HPS5: variants seen among roughly 807,000 people sequenced by gnomAD.
The protein encoded by HPS5 is HPS5 biogenesis of lysosomal organelles complex 2 subunit 2.
In HPS5, 83 loss-of-function variants were observed where a neutral mutation model predicts 128.0. That is an observed-to-expected ratio of 0.65 (90% CI 0.54 to 0.78). The LOEUF is 0.78. Ranked by LOEUF, HPS5 falls within the 30% of genes least tolerant of loss-of-function variation. HPS5 has a pLI of 0.00. For missense variants in HPS5, 1,281 were observed against 1,326.2 expected (o/e 0.97, Z 0.53); for synonymous variants, 475 against 470.2 (o/e 1.01, Z -0.13).
chr11:18,293,590 A>G (rs957036237), intron 14 of HPS5, among the ~76,000 whole-genome samples: 1 of 152,236 alleles, frequency 6.6e-6, no homozygotes, highest in African/African-American at 2.4e-5. Flanking sequence ...TTAGAAAGAA[A>G]GGCATGCAAA....
rs1156402232 is a variant in HPS5 at position 18,289,894 on chromosome 11, AT to A, written c.2440+1547del. On this transcript the variant is annotated intron_variant, in intron 16 of 22. Transcript: ENST00000349215. ...TTTCTATTATATGTCAGGATGACAT[AT>A]GCGACCTTCCGCCAAGGTAGATACT... is the stretch of plus-strand genomic sequence containing the variant. Among the ~76,000 whole-genome samples the A allele has an allele frequency of 3.9e-5, 6 of 152,356 alleles. No individual in the cohort carries two copies. The East Asian group carries it at 1.2e-3, about 29-fold the overall frequency.
Position 18,305,415 on chromosome 11 carries a change from A to C in HPS5, c.896+7T>G. 2 of 1,561,708 alleles carry C rather than the reference A, an allele frequency of 1.3e-6. No individual in the cohort carries two copies. The highest frequency in any genetic ancestry group is 8.8e-7 in the Non-Finnish European group (1 of 1,132,412). On this transcript the variant is annotated splice_region_variant and intron_variant, in intron 8 of 22. Transcript: ENST00000349215. ...CCCCCCCAGAACTAAGGAAAGTAGA[A>C]ACTTACCTAAGATGTAAGAGTTTGG...
At position 18,283,891 on chromosome 11, in the gene HPS5, C is replaced by T. The variant is rs753352624; in HGVS notation, c.2962G>A (p.Gly988Arg). 6.2e-7 allele frequency: 1 copy of T among 1,612,252 alleles called. No individual in the cohort carries two copies. Among genetic ancestry groups the T allele is most frequent in the Non-Finnish European group, 8.5e-7 (1 of 1,178,852 alleles). The change falls in exon 21 of 23, where the codon GGA (glycine) becomes AGA (arginine). Residue 988 changes from glycine to arginine, a missense_variant. By Grantham distance (125) the Gly-to-Arg change is moderately radical. Transcript: ENST00000349215. ...AGCTCCAAACAGAGAATTAGATATC[C>T]AGGCCAGAAACTTTAAAGAGACCGA... ...DICRSCGFWP[G>R]YLILCLELER...
At chr11:18,310,153 T>C (rs1437812805) in intron 5 of HPS5, among the ~76,000 whole-genome samples, 1 of 152,228 alleles carries the variant, frequency 6.6e-6, no homozygotes, top group African/African-American at 2.4e-5. Flanking sequence ...TGGTCTATTC[T>C]GTCTTAATGA....
intron 12 of HPS5, 53 bp from the exon 13 acceptor site, chr11:18,296,175 G>T: frequency 6.3e-7 from 1 of 1,580,828 alleles, no homozygotes; most frequent in Admixed American, 1.7e-5. Flanking sequence ...CGTGGGAGTT[G>T]TTTTAATCTT....
intron 15 of HPS5, among the ~76,000 whole-genome samples, chr11:18,292,349 C>G (rs1374141038): frequency 6.6e-6 from 1 of 152,034 alleles, no homozygotes; most frequent in Non-Finnish European, 1.5e-5. Context: ...GTACATGCCA[C>G]TACACCCACT....
chr11:18,308,421 C>T (rs1469101242), intron 6 of HPS5, among the ~76,000 whole-genome samples: 20 of 152,192 alleles, frequency 1.3e-4, no homozygotes, highest in Admixed American at 8.5e-4. Context: ...TCACCAGCAA[C>T]GGGCTCACGG....
At position 18,302,225 on chromosome 11, in the gene HPS5, C is replaced by G. The variant is rs60259054; in HGVS notation, c.897-1309G>C. The stretch of plus-strand genomic sequence containing the variant: ...TTTTTTCTCCTCATCTTTTTCTATA[C>G]TTACTCATATAAATTTATCTCATAT... On this transcript the variant is annotated intron_variant, in intron 8 of 22. Transcript: ENST00000349215. 2.3e-3 allele frequency among the ~76,000 whole-genome samples: 345 copies of G among 152,178 alleles called. 3 individuals carry two copies. Among genetic ancestry groups the G allele is most frequent in the African/African-American group, 7.8e-3 (324 of 41,520 alleles).
At chr11:18,304,077 G>A (rs1411039815) in intron 8 of HPS5, among the ~76,000 whole-genome samples, 1 of 152,114 alleles carries the variant, frequency 6.6e-6, no homozygotes, top group Non-Finnish European at 1.5e-5. Context: ...TGTGACAAGT[G>A]CCACAAAGGA....
intron 4 of HPS5, among the ~76,000 whole-genome samples, chr11:18,311,153 T>G (rs1380478015): frequency 6.6e-6 from 1 of 152,214 alleles, no homozygotes; most frequent in East Asian, 1.9e-4. Context: ...CCCTTTATCT[T>G]TTAAGGCCTT....
intron 20 of HPS5, 140 bp from the exon 21 acceptor site, chr11:18,284,041 T>C: frequency 1.5e-6 from 1 of 656,350 alleles, no homozygotes; most frequent in Non-Finnish European, 2.7e-6. Flanking sequence ...TGAAAGTCAG[T>C]TTTTCAGTTA....
chr11:18,292,495 ACTT>A (rs1457519254), intron 15 of HPS5, among the ~76,000 whole-genome samples: 2 of 152,104 alleles, frequency 1.3e-5, no homozygotes, highest in Non-Finnish European at 2.9e-5. Flanking sequence ...CGCCCAGCCT[ACTT>A]CTTCAATTTC....
At chr11:18,281,041 CA>C (rs1044511858) in intron 22 of HPS5, among the ~76,000 whole-genome samples, 5 of 143,302 alleles carry the variant, frequency 3.5e-5, no homozygotes, top group Admixed American at 6.9e-5. Context: ...TATTATACCA[CA>C]AAAAAAAATT....
intron 1 of HPS5, 100 bp from the exon 2 acceptor site, chr11:18,318,007 C>G: frequency 1.2e-6 from 1 of 846,264 alleles, no homozygotes; most frequent in Non-Finnish European, 1.9e-6. Context: ...GAGAAAGTCC[C>G]CACTATACAG....
Position 18,287,613 on chromosome 11 carries a change from A to G in HPS5, c.2639T>C (p.Ile880Thr), listed in dbSNP as rs1443732962. The change falls in exon 18 of 23, where the codon ATA (isoleucine) becomes ACA (threonine). Residue 880 changes from isoleucine (I) to threonine (T), a missense_variant. Ile to Thr is a moderately conservative substitution (Grantham distance 89). Coordinates refer to ENST00000349215, the MANE Select transcript of HPS5 (RefSeq NM_181507.2). The part of the protein sequence containing the change: ...FFPSILPSDI[I>T]QLCHHHPAEF... Reference sequence around the variant, plus strand: ...AGCAGGATGATGATGACAAAGTTGTATGATATCCGATGGCAAAATGGATGG... The same window carrying G: ...AGCAGGATGATGATGACAAAGTTGTGTGATATCCGATGGCAAAATGGATGG... 1 of 1,614,184 alleles carries G rather than the reference A, an allele frequency of 6.2e-7. No homozygotes were observed. The highest frequency in any genetic ancestry group is 1.7e-5 in the Admixed American group (1 of 60,028).
In HPS5 at chr11:18,309,182, TA is replaced by T. The variant is rs771710805; in HGVS notation, c.478-104del. ...AATGAAAATAACTTGAATAGCAAAATAAAATTTTCAAATAAGCCAAAACTTA... is the reference window on the plus strand; with the variant it reads ...AATGAAAATAACTTGAATAGCAAAATAAATTTTCAAATAAGCCAAAACTTA... On this transcript the variant is annotated intron_variant, in intron 5 of 22. Coordinates refer to ENST00000349215, the MANE Select transcript of HPS5 (RefSeq NM_181507.2). 9.1e-4 allele frequency: 1,110 copies of T among 1,218,516 alleles called. 2 individuals carry two copies. Among genetic ancestry groups the T allele is most frequent in the Middle Eastern group, 1.8e-3 (9 of 5,132 alleles). 75.5% of individuals were successfully genotyped at this position (1,218,516 alleles called of 1,614,324 possible).
Position 18,291,797 on chromosome 11 carries a change from A to G in HPS5, c.2085T>C (p.Ser695=), listed in dbSNP as rs540312367. 6.2e-7 allele frequency: 1 copy of G among 1,613,790 alleles called. No individual in the cohort carries two copies. Among genetic ancestry groups the G allele is most frequent in the South Asian group, 1.1e-5 (1 of 90,998 alleles). The change falls in exon 16 of 23, where the codon TCT becomes TCC. Residue 695 remains serine (S), a synonymous_variant. Coordinates refer to ENST00000349215, the MANE Select transcript of HPS5 (RefSeq NM_181507.2). ...TATCAACAGATTCTTCATTGCCTAA[A>G]GAGTCCCTTTTTTCTTTTTCATTAT... ...DEDNEKEKRD[S]LGNEESVDKT...
intron 8 of HPS5, among the ~76,000 whole-genome samples, chr11:18,305,142 G>A (rs1464331700): frequency 6.6e-6 from 1 of 152,230 alleles, no homozygotes; most frequent in African/African-American, 2.4e-5. Flanking sequence ...CATTAGGTAG[G>A]AGAGGTTATG....
chr11:18,300,430 T>C (rs1308493281), intron 9 of HPS5, among the ~76,000 whole-genome samples: 2 of 152,118 alleles, frequency 1.3e-5, no homozygotes, highest in African/African-American at 4.8e-5. Context: ...CCTGTAATCA[T>C]ACATGTTTGT....
Sources: gnomAD v4.1 joint callset for allele counts (sites outside exome capture counted in the v4.1 genomes callset) on GRCh38, gnomAD v4.1.1 for gene constraint, MANE v1.5 for transcripts, NCBI Gene and HGNC (gene_info 2026-07-23, HGNC 2026-07-21) for gene names.